Variants in ATP6V0A4 observed in about 807,000 individuals in gnomAD.
ATP6V0A4 encodes the protein ATPase H+ transporting V0 subunit a4.
Under a neutral mutation model 107.3 loss-of-function variants are expected in ATP6V0A4, and 86 were observed. The observed-to-expected ratio is 0.80, with a 90% confidence interval of 0.67 to 0.96. ATP6V0A4 has a LOEUF of 0.96. ATP6V0A4 is among the 40% of genes least tolerant of loss of function. The pLI is 0.00. For missense variants in ATP6V0A4, 908 were observed against 1,045.6 expected, an observed-to-expected ratio of 0.87 and a Z score of 1.81; for synonymous variants, 353 against 381.4, an observed-to-expected ratio of 0.93 and a Z score of 0.87.
At chr7:138,734,022 C>T (rs1805172913) in intron 16 of ATP6V0A4, 114 bp downstream of exon 16, 3 of 1,256,564 alleles carry the variant, frequency 2.4e-6, no homozygotes, top group Non-Finnish European at 3.4e-6. Context: ...GGAAGTACCC[C>T]TCATAGGAAG....
chr7:138,778,890 C>G (rs1047806037), intron 2 of ATP6V0A4, among the ~76,000 whole-genome samples: 1 of 152,146 alleles, frequency 6.6e-6, no homozygotes, highest in Non-Finnish European at 1.5e-5. Flanking sequence ...TCCCCTCCCC[C>G]GATCATTGAT....
At chr7:138,714,534 T>C (rs574789672) in intron 20 of ATP6V0A4, among the ~76,000 whole-genome samples, 1 of 150,764 alleles carries the variant, frequency 6.6e-6, no homozygotes, top group Non-Finnish European at 1.5e-5. Flanking sequence ...AGTGAGACCT[T>C]GTCTCTTTTA....
At chr7:138,753,139 G>C (rs995712167) in intron 10 of ATP6V0A4, among the ~76,000 whole-genome samples, 5 of 152,114 alleles carry the variant, frequency 3.3e-5, no homozygotes, top group Admixed American at 1.3e-4. Flanking sequence ...TGGCCTTTTT[G>C]GAAAGAGGGT....
chr7:138,727,792 T>C (rs1035472047), intron 18 of ATP6V0A4, among the ~76,000 whole-genome samples: 3 of 152,250 alleles, frequency 2.0e-5, no homozygotes, highest in Non-Finnish European at 1.5e-5. Flanking sequence ...ACCGTCTGTG[T>C]GTCAGAGCTA....
At position 138,774,408 on chromosome 7, in the gene ATP6V0A4, G is replaced by T. The variant is rs367718998; in HGVS notation, c.-17-3144C>A. Among the ~76,000 whole-genome samples, 54 of 151,764 alleles carry T rather than the reference G, an allele frequency of 3.6e-4. 1 individual carries two copies. The highest frequency in any genetic ancestry group is 9.4e-4 in the African/African-American group (39 of 41,298). On this transcript the variant is annotated intron_variant, in intron 2 of 21. Coordinates refer to ENST00000310018, the MANE Select transcript of ATP6V0A4 (RefSeq NM_020632.3). ...AGCCTGGCCAACATGGTGAAATCCT[G>T]TCTCTACTAAAAATACGAAAAAATG... is the stretch of plus-strand genomic sequence containing the variant.
rs369979838 is a variant in ATP6V0A4, at chr7:138,734,324, C to A, written c.1573-70G>T. On this transcript the variant is annotated intron_variant, in intron 15 of 21. Transcript: ENST00000310018. ...GAAGTTCTACTGGAGTTGAGGGCTA[C>A]AGCACAACTTTCCCTAAGCAAACCG... 8.2e-5 allele frequency: 132 copies of A among 1,605,234 alleles called. 1 individual carries two copies. The highest frequency in any genetic ancestry group is 6.3e-4 in the East Asian group (28 of 44,472).
chr7:138,716,040 C>A, intron 19 of ATP6V0A4, 159 bp from the exon 20 acceptor site: 1 of 598,084 alleles, frequency 1.7e-6, no homozygotes, highest in Non-Finnish European at 2.1e-6. Context: ...AAAGAATTAT[C>A]AGCACAAAGT....
At chr7:138,735,287 T>C (rs868556003) in intron 15 of ATP6V0A4, among the ~76,000 whole-genome samples, 2 of 152,176 alleles carry the variant, frequency 1.3e-5, no homozygotes, top group African/African-American at 2.4e-5. Flanking sequence ...AAGTCCTTGC[T>C]CCTTCCCCTG....
intron 1 of ATP6V0A4, among the ~76,000 whole-genome samples, chr7:138,788,988 A>G (rs1028926317): frequency 1.3e-5 from 2 of 152,182 alleles, no homozygotes; most frequent in Non-Finnish European, 2.9e-5. Flanking sequence ...TTCAGAGGGC[A>G]TTCTTCCAAG....
chr7:138,762,257 C>T, intron 7 of ATP6V0A4, 83 bp downstream of exon 7: 12 of 1,515,228 alleles, frequency 7.9e-6, no homozygotes, highest in Non-Finnish European at 1.0e-5. Flanking sequence ...ATTCCAATGG[C>T]TATTTGTTCA....
chr7:138,716,339 A>G lies in ATP6V0A4; in HGVS notation c.2140-458T>C, dbSNP rs574400675. Reference sequence around the variant, plus strand: ...ACAGTCCTCCTGTGTGGAAGTTTCTAGAAAGGCAAGCTATGGGTAAAGTTG... The same window carrying G: ...ACAGTCCTCCTGTGTGGAAGTTTCTGGAAAGGCAAGCTATGGGTAAAGTTG... On this transcript the variant is annotated intron_variant, in intron 19 of 21. Coordinates refer to ENST00000310018, the MANE Select transcript of ATP6V0A4 (RefSeq NM_020632.3). 4.6e-5 allele frequency among the ~76,000 whole-genome samples: 7 copies of G among 152,332 alleles called. No homozygotes were observed. The South Asian group carries it at 1.4e-3, about 32-fold the overall frequency.
intron 5 of ATP6V0A4, among the ~76,000 whole-genome samples, chr7:138,766,430 T>A (rs1174211333): frequency 6.6e-6 from 1 of 151,008 alleles, no homozygotes; most frequent in African/African-American, 2.4e-5. Flanking sequence ...GGTCTCGAAC[T>A]CCTGACCTCA....
chr7:138,761,451 G>A (rs992222476), intron 7 of ATP6V0A4, among the ~76,000 whole-genome samples: 13 of 151,930 alleles, frequency 8.6e-5, no homozygotes, highest in Admixed American at 1.3e-4. Context: ...TGCCTAACAC[G>A]GTGAAACCCC....
intron 2 of ATP6V0A4, among the ~76,000 whole-genome samples, chr7:138,784,315 T>C (rs1325071769): frequency 4.4e-5 from 6 of 136,218 alleles, no homozygotes; most frequent in Non-Finnish European, 9.1e-5. Flanking sequence ...CACATATATA[T>C]ATATGTATTT....
At chr7:138,744,511 T>A (rs1359306966) in intron 14 of ATP6V0A4, among the ~76,000 whole-genome samples, 1 of 151,030 alleles carries the variant, frequency 6.6e-6, no homozygotes, top group East Asian at 2.0e-4. Context: ...GTGTTGAGAT[T>A]ACAGGCGTAA....
intron 8 of ATP6V0A4, among the ~76,000 whole-genome samples, chr7:138,759,052 A>ATTTTTTTTTTTTTTT (rs33940158): frequency 3.7e-5 from 2 of 54,570 alleles, no homozygotes; most frequent in South Asian, 1.0e-3. Context: ...TGCCCAGCCT[A>ATTTTTTTTTTTTTTT]TTTTTTTTTT....
At chr7:138,752,922 C>T (rs890901423) in intron 10 of ATP6V0A4, 85 bp from the exon 11 acceptor site, 3 of 1,566,592 alleles carry the variant, frequency 1.9e-6, no homozygotes, top group Admixed American at 3.7e-5. Flanking sequence ...TCACAGGCCA[C>T]AGCAGCTTCC....
chr7:138,730,127 G>A (rs926679742), intron 17 of ATP6V0A4, among the ~76,000 whole-genome samples: 2 of 152,112 alleles, frequency 1.3e-5, no homozygotes, highest in Admixed American at 6.5e-5. Context: ...CTCGTGATCC[G>A]CCCGCCTCGG....
chr7:138,732,583 C>T (rs1805073238), intron 17 of ATP6V0A4, among the ~76,000 whole-genome samples: 1 of 152,046 alleles, frequency 6.6e-6, no homozygotes, highest in Non-Finnish European at 1.5e-5. Flanking sequence ...TGCTTGAGGT[C>T]ATGAGTTCGA....
Sources: allele counts gnomAD v4.1 joint callset (sites outside exome capture counted in the v4.1 genomes callset), GRCh38; gene constraint gnomAD v4.1.1; transcripts MANE v1.5; gene names NCBI Gene and HGNC (gene_info 2026-07-23, HGNC 2026-07-21).